The following NRG3 variants were observed in gnomAD, a reference collection of about 807,000 sequenced individuals.
The protein encoded by NRG3 is pro-neuregulin-3, membrane-bound isoform.
NRG3 carries 31 observed loss-of-function variants against 66.9 expected under a neutral mutation model. The observed-to-expected ratio is 0.46, with a 90% confidence interval of 0.35 to 0.63. The LOEUF (loss-of-function observed/expected upper bound fraction) is 0.63. Ranked by LOEUF, NRG3 falls within the 20% of genes least tolerant of loss-of-function variation. NRG3 has a pLI of 0.00. For synonymous variants in NRG3, 393 were observed against 359.4 expected, an observed-to-expected ratio of 1.09 and a Z score of -1.06; for missense variants, 910 against 878.9, an observed-to-expected ratio of 1.04 and a Z score of -0.45.
At chr10:82,694,450 A>G (rs1424056303) in intron 2 of NRG3, among the ~76,000 whole-genome samples, 4 of 152,066 alleles carry the variant, frequency 2.6e-5, no homozygotes, top group Non-Finnish European at 5.9e-5. Context: ...GTGTTTGTGT[A>G]TTTCTTAAGA....
chr10:82,087,965 G>A (rs1289276985), intron 1 of NRG3, among the ~76,000 whole-genome samples: 2 of 151,982 alleles, frequency 1.3e-5, no homozygotes, highest in Non-Finnish European at 2.9e-5. Flanking sequence ...CACATTTCCC[G>A]GCTGGATCCG....
intron 1 of NRG3, among the ~76,000 whole-genome samples, chr10:82,146,315 C>T (rs928405986): frequency 2.6e-5 from 4 of 152,048 alleles, no homozygotes; most frequent in Non-Finnish European, 4.4e-5. Context: ...CTCCAAATGT[C>T]GTTTGGGTTG....
At chr10:82,697,953 C>T (rs958088663) in intron 2 of NRG3, among the ~76,000 whole-genome samples, 3 of 152,036 alleles carry the variant, frequency 2.0e-5, no homozygotes, top group Admixed American at 6.6e-5. Flanking sequence ...GCACAGTTGC[C>T]CTGTCTTACG....
At chr10:82,929,014 T>C (rs762339841) in intron 4 of NRG3, among the ~76,000 whole-genome samples, 2 of 152,190 alleles carry the variant, frequency 1.3e-5, no homozygotes, top group Non-Finnish European at 2.9e-5. Flanking sequence ...GAACTATCTA[T>C]AGGAGAACCA....
intron 2 of NRG3, among the ~76,000 whole-genome samples, chr10:82,467,053 T>C (rs1409586618): frequency 1.3e-5 from 2 of 152,136 alleles, no homozygotes; most frequent in Non-Finnish European, 2.9e-5. Flanking sequence ...TATCAACTTA[T>C]TTAAATAGGG....
intron 1 of NRG3, among the ~76,000 whole-genome samples, chr10:81,882,188 G>C (rs1351907021): frequency 1.3e-5 from 2 of 152,198 alleles, no homozygotes; most frequent in Non-Finnish European, 2.9e-5. Context: ...TTGCAGCAGA[G>C]TGTAGGTTTC....
At chr10:82,421,039 A>T (rs1412120198) in intron 2 of NRG3, among the ~76,000 whole-genome samples, 1 of 152,106 alleles carries the variant, frequency 6.6e-6, no homozygotes, top group Non-Finnish European at 1.5e-5. Context: ...TGGTGCTGGG[A>T]TCATCAGTAT....
intron 1 of NRG3, among the ~76,000 whole-genome samples, chr10:81,916,320 T>C (rs1342251378): frequency 6.6e-6 from 1 of 152,200 alleles, no homozygotes; most frequent in African/African-American, 2.4e-5. Context: ...TTACTACATT[T>C]TGGTTATATA....
chr10:82,478,313 C>A lies in NRG3; in HGVS notation c.953+119445C>A, dbSNP rs867021718. 6.2e-3 allele frequency among the ~76,000 whole-genome samples: 104 copies of A among 16,840 alleles called. 12 individuals carry two copies. Among genetic ancestry groups the A allele is most frequent in the African/African-American group, 9.6e-3 (93 of 9,710 alleles). The allele number at this position is 16,840 out of a possible 152,430, so 11.0% of individuals were successfully genotyped here. ...GTGTTTCTCACAGAGGGGGATTTGGCAGGGTCATGGGACAATAGTGGAGGG... is the reference window on the plus strand; with the variant it reads ...GTGTTTCTCACAGAGGGGGATTTGGAAGGGTCATGGGACAATAGTGGAGGG... On this transcript the variant is annotated intron_variant, in intron 2 of 8. Transcript: ENST00000372141.
At chr10:82,406,384 G>C (rs1188326510) in intron 2 of NRG3, among the ~76,000 whole-genome samples, 1 of 152,104 alleles carries the variant, frequency 6.6e-6, no homozygotes, top group Non-Finnish European at 1.5e-5. Flanking sequence ...AGCACTTTCA[G>C]GTAGGCCATT....
chr10:82,691,664 C>T (rs1401533709), intron 2 of NRG3, among the ~76,000 whole-genome samples: 1 of 152,172 alleles, frequency 6.6e-6, no homozygotes, highest in Non-Finnish European at 1.5e-5. Flanking sequence ...TACCTATTTC[C>T]AAACATAAGA....
chr10:82,599,100 G>A (rs2047460247), intron 2 of NRG3, among the ~76,000 whole-genome samples: 1 of 151,962 alleles, frequency 6.6e-6, no homozygotes, highest in African/African-American at 2.4e-5. Flanking sequence ...AAAACTGAAG[G>A]TCAGTAGGTA....
intron 4 of NRG3, among the ~76,000 whole-genome samples, chr10:82,927,594 T>C (rs1439952380): frequency 6.6e-6 from 1 of 152,162 alleles, no homozygotes; most frequent in African/African-American, 2.4e-5. Context: ...GCATGTGCTG[T>C]TTGGTTTTCT....
At chr10:81,955,284 A>G (rs776348349) in intron 1 of NRG3, among the ~76,000 whole-genome samples, 1 of 151,798 alleles carries the variant, frequency 6.6e-6, no homozygotes, top group Non-Finnish European at 1.5e-5. Context: ...CCAAAGTATG[A>G]AGACCCCTAT....
At chr10:82,557,476 A>G (rs755056960) in intron 2 of NRG3, among the ~76,000 whole-genome samples, 11 of 150,934 alleles carry the variant, frequency 7.3e-5, no homozygotes, top group Non-Finnish European at 1.6e-4. Flanking sequence ...CTCACTTTTT[A>G]ATGTTTTTTT....
rs543242710 is a variant in NRG3, at chr10:82,698,262, T to G, written c.954-40315T>G. Among the ~76,000 whole-genome samples, 23 of 152,266 alleles carry G rather than the reference T, an allele frequency of 1.5e-4. 1 individual carries two copies. In the South Asian group the frequency reaches 3.9e-3, roughly 26 times the overall value. ...AAAGCCAGTTCAAACAGATGTGAAT[T>G]GCTGACTTGATCATGAGAAAATTAG... On this transcript the variant is annotated intron_variant, in intron 2 of 8. Coordinates refer to ENST00000372141, the MANE Select transcript of NRG3 (RefSeq NM_001010848.4).
Position 81,875,448 on chromosome 10 carries a change from G to A in NRG3, c.108G>A (p.Gly36=). The A allele has an allele frequency of 8.2e-7, 1 of 1,212,144 alleles. No individual in the cohort carries two copies. The highest frequency in any genetic ancestry group is 1.0e-6 in the Non-Finnish European group (1 of 975,738). The allele number at this position is 1,212,144 out of a possible 1,614,324, so 75.1% of individuals were successfully genotyped here. ...CTGCGGCGGCGGCAGCGGCGGGCGG[G>A]GGCCCGGACGGCGGCGGCGAAGGGG... ...AAAAAAAAAG[G]GPDGGGEGAA... is the part of the protein sequence containing the mutation. Residue 36 remains glycine, a synonymous_variant, in exon 1 of 9, where the codon GGG becomes GGA. Transcript: ENST00000372141. This position sits in a 1 kb window ranked among gnomAD's most constrained non-coding sequence, Gnocchi z 5.3.
chr10:82,476,062 TGGCCAATAAG>T lies in NRG3; in HGVS notation c.953+117195_953+117204del, dbSNP rs1389846708. 1.2e-4 allele frequency among the ~76,000 whole-genome samples: 19 copies of T among 152,222 alleles called. No homozygotes were observed. The East Asian group carries it at 3.7e-3, about 29-fold the overall frequency. The stretch of plus-strand genomic sequence containing the variant: ...CATTTCTCCAAAGAAAATATCCAAA[TGGCCAATAAG>T]CACATGAAAAGAAATTCAACATCAA... On this transcript the variant is annotated intron_variant, in intron 2 of 8. Transcript: ENST00000372141.
chr10:82,631,821 G>A (rs558735614), intron 2 of NRG3, among the ~76,000 whole-genome samples: 1 of 152,026 alleles, frequency 6.6e-6, no homozygotes, highest in African/African-American at 2.4e-5. Context: ...AACACCCATG[G>A]CCAGGTGTGG....
Sources: allele counts gnomAD v4.1 joint callset (sites outside exome capture counted in the v4.1 genomes callset), GRCh38; gene constraint gnomAD v4.1.1; non-coding constraint Gnocchi (gnomAD v3.1); transcripts MANE v1.5; gene names NCBI Gene and HGNC (gene_info 2026-07-23, HGNC 2026-07-21).